The following GREB1 variants were observed in gnomAD, a reference collection of about 807,000 sequenced individuals.
The protein encoded by GREB1 is growth regulating estrogen receptor binding 1, also known as protein GREB1.
GREB1 carries 106 observed loss-of-function variants against 200.7 expected under a neutral mutation model. The ratio of observed to expected loss-of-function variants is 0.53; its 90% CI spans 0.45 to 0.62. GREB1 has a LOEUF of 0.62. Ranked by LOEUF, GREB1 falls within the 20% of genes least tolerant of loss-of-function variation. GREB1 has a pLI of 0.00. For missense variants in GREB1, 2,243 were observed against 2,556.8 expected (o/e 0.88, Z 2.65); for synonymous variants, 1,132 against 1,092.4 (o/e 1.04, Z -0.72).
intron 10 of GREB1, chr2:11,592,177 T>TC: frequency 1.4e-6 from 1 of 690,370 alleles, no homozygotes; most frequent in Non-Finnish European, 1.8e-6. Flanking sequence ...GGCTTCCTAC[T>TC]TTTTTTTTTC....
chr2:11,618,665 C>T lies in GREB1; in HGVS notation c.3790C>T (p.Leu1264Phe), dbSNP rs1358006221. The T allele has an allele frequency of 6.2e-7, 1 of 1,613,790 alleles. No individual in the cohort carries two copies. Among genetic ancestry groups the T allele is most frequent in the Non-Finnish European group, 8.5e-7 (1 of 1,179,978 alleles). Reference sequence around the variant, plus strand: ...GCCACCCATTGTCTTCTTGCCCAAGCTCGTGTACGACATGGTTGTGTCCAC... The same window carrying T: ...GCCACCCATTGTCTTCTTGCCCAAGTTCGTGTACGACATGGTTGTGTCCAC... ...RQPPIVFLPK[L>F]VYDMVVSTDS... Residue 1264 changes from leucine (L) to phenylalanine (F), a missense_variant, in exon 22 of 33, where the codon CTC becomes TTC. Physicochemically the swap from Leu to Phe is conservative, Grantham distance 22. This residue lies in a region of GREB1 where 587 missense variants were observed against 553.1 expected (regional missense o/e 1.06). Coordinates refer to ENST00000381486, the MANE Select transcript of GREB1 (RefSeq NM_014668.4).
At chr2:11,577,646 T>G (rs1387832506) in intron 5 of GREB1, among the ~76,000 whole-genome samples, 2 of 152,190 alleles carry the variant, frequency 1.3e-5, no homozygotes, top group Non-Finnish European at 2.9e-5. Flanking sequence ...CTGTGTTTGT[T>G]CCCATCTTGT....
intron 3 of GREB1, 187 bp downstream of exon 3, chr2:11,562,769 A>T: frequency 3.8e-6 from 2 of 521,918 alleles, no homozygotes; most frequent in Non-Finnish European, 3.2e-6. Flanking sequence ...GCCCTCCTGA[A>T]ACAGGAGCTC....
At chr2:11,508,418 C>T (rs961816529) in intron 1 of GREB1, among the ~76,000 whole-genome samples, 3 of 152,228 alleles carry the variant, frequency 2.0e-5, no homozygotes, top group Non-Finnish European at 4.4e-5. Flanking sequence ...GAACAGCGCC[C>T]TGCGTGGGTC....
intron 4 of GREB1, among the ~76,000 whole-genome samples, chr2:11,575,290 G>A (rs1029688473): frequency 5.3e-5 from 8 of 152,212 alleles, no homozygotes; most frequent in Admixed American, 2.6e-4. Context: ...AAACAAGGCC[G>A]TCTTAAGATC....
chr2:11,560,063 A>G (rs1676843126), intron 2 of GREB1, among the ~76,000 whole-genome samples: 1 of 152,178 alleles, frequency 6.6e-6, no homozygotes, highest in South Asian at 2.1e-4. Flanking sequence ...GTTTAATCAC[A>G]TCTGGAACTC....
intron 5 of GREB1, 21 bp downstream of exon 5, chr2:11,576,556 G>A: frequency 6.3e-7 from 1 of 1,594,700 alleles, no homozygotes; most frequent in Non-Finnish European, 8.6e-7. Context: ...TGGCTGTGGA[G>A]GAGGTATGGG....
At chr2:11,599,807 A>G (rs1681623849) in intron 15 of GREB1, among the ~76,000 whole-genome samples, 1 of 152,008 alleles carries the variant, frequency 6.6e-6, no homozygotes, top group Non-Finnish European at 1.5e-5. Flanking sequence ...GGCGTGAGCC[A>G]CCGCACCCGG....
At chr2:11,611,473 C>T (rs1339871857) in intron 18 of GREB1, among the ~76,000 whole-genome samples, 2 of 152,124 alleles carry the variant, frequency 1.3e-5, no homozygotes, top group South Asian at 2.1e-4. Flanking sequence ...CCACCACACT[C>T]GGCTAATTTT....
chr2:11,593,160 C>T, intron 11 of GREB1, 34 bp downstream of exon 11: 1 of 1,421,948 alleles, frequency 7.0e-7, no homozygotes. Context: ...CGGGAAAGCC[C>T]CCTGAACGGT....
intron 4 of GREB1, among the ~76,000 whole-genome samples, chr2:11,570,782 CAGA>C (rs1678185635): frequency 6.6e-6 from 1 of 152,144 alleles, no homozygotes; most frequent in Non-Finnish European, 1.5e-5. Flanking sequence ...GAAACTGAGG[CAGA>C]AGAACTAGTT....
intron 10 of GREB1, 129 bp from the exon 11 acceptor site, chr2:11,592,647 C>A (rs932875145): frequency 1.7e-6 from 1 of 578,506 alleles, no homozygotes; most frequent in Non-Finnish European, 2.9e-6. Context: ...GCCCTCCCCT[C>A]GTGCTCCAGC....
chr2:11,594,320 T>G (rs1157865850), intron 11 of GREB1, among the ~76,000 whole-genome samples: 1 of 151,626 alleles, frequency 6.6e-6, no homozygotes, highest in African/African-American at 2.4e-5. Context: ...TTTAATGTAC[T>G]TTTTAAGTAT....
At chr2:11,566,932 G>A (rs112432347) in intron 4 of GREB1, among the ~76,000 whole-genome samples, 44 of 152,308 alleles carry the variant, frequency 2.9e-4, no homozygotes, top group African/African-American at 9.9e-4. Flanking sequence ...GTGCCTGCTT[G>A]TGTCAAGAAT....
At position 11,633,668 on chromosome 2, in the gene GREB1, T is replaced by C. The variant is rs1363400090; in HGVS notation, c.4992-463T>C. Among the ~76,000 whole-genome samples the C allele has an allele frequency of 6.6e-6, 1 of 151,992 alleles. No individual in the cohort carries two copies. Among genetic ancestry groups the C allele is most frequent in the Non-Finnish European group, 1.5e-5 (1 of 68,000 alleles). On this transcript the variant is annotated intron_variant, in intron 28 of 32. Coordinates refer to ENST00000381486, the MANE Select transcript of GREB1 (RefSeq NM_014668.4). The surrounding 1 kb of genome is among the most constrained non-coding windows in gnomAD (Gnocchi z 4.1). ...GACAAAAAAGAAAGTATAATACATATACAGAACTTTTCCCAAGCTAAGCAC... is the reference window on the plus strand; with the variant it reads ...GACAAAAAAGAAAGTATAATACATACACAGAACTTTTCCCAAGCTAAGCAC...
Position 11,548,336 on chromosome 2 carries a change from G to A in GREB1, c.-161-8118G>A, listed in dbSNP as rs181237155. Among the ~76,000 whole-genome samples the A allele has an allele frequency of 1.4e-5, 2 of 144,692 alleles. No homozygotes were observed. The highest frequency in any genetic ancestry group is 1.9e-4 in the East Asian group (1 of 5,154). The allele number at this position is 144,692 out of a possible 152,430, so 94.9% of individuals were successfully genotyped here. ...CACACACACGCACACACCCAGACAC[G>A]TGCACACATGCATATACCCCAACAC... On this transcript the variant is annotated intron_variant, in intron 1 of 32. Coordinates refer to ENST00000381486, the MANE Select transcript of GREB1 (RefSeq NM_014668.4). The surrounding 1 kb of genome is among the most constrained non-coding windows in gnomAD (Gnocchi z 5.1).
intron 1 of GREB1, among the ~76,000 whole-genome samples, chr2:11,512,032 G>A (rs564055445): frequency 1.1e-4 from 17 of 152,290 alleles, no homozygotes; most frequent in Admixed American, 3.3e-4. Context: ...TTTCTAGCCT[G>A]TAGCGAGTGG....
chr2:11,610,397 A>G (rs1682811825), intron 17 of GREB1, among the ~76,000 whole-genome samples: 1 of 152,238 alleles, frequency 6.6e-6, no homozygotes, highest in Non-Finnish European at 1.5e-5. Flanking sequence ...TCATCTGCTC[A>G]TTCATTGGAC....
At chr2:11,605,144 C>CTTTTTTTTTTTTTTTTTTTTT (rs3035991) in intron 17 of GREB1, among the ~76,000 whole-genome samples, 1 of 44,818 alleles carries the variant, frequency 2.2e-5, no homozygotes, top group Non-Finnish European at 4.9e-5. Context: ...GAGCCTGCTT[C>CTTTTTTTTTTTTTTTTTTTTT]TTTTTTTTTT....
Sources: allele counts gnomAD v4.1 joint callset (sites outside exome capture counted in the v4.1 genomes callset), GRCh38; gene constraint gnomAD v4.1.1; regional missense constraint gnomAD v4.1.1; non-coding constraint Gnocchi (gnomAD v3.1); transcripts MANE v1.5; gene names NCBI Gene and HGNC (gene_info 2026-07-23, HGNC 2026-07-21).